The following MIS18A variants were observed in gnomAD, a reference collection of about 807,000 sequenced individuals.
MIS18A encodes protein Mis18-alpha.
In MIS18A, 14 loss-of-function variants were observed where a neutral mutation model predicts 25.0. That is an observed-to-expected ratio of 0.56 (90% CI 0.37 to 0.88). The LOEUF (loss-of-function observed/expected upper bound fraction) is 0.88. MIS18A is among the 40% of genes least tolerant of loss of function. MIS18A has a pLI of 0.00. For missense variants in MIS18A, 292 were observed against 290.8 expected, an observed-to-expected ratio of 1.00 and a Z score of -0.03; for synonymous variants, 134 against 118.6, an observed-to-expected ratio of 1.13 and a Z score of -0.84.
the MIS18A span, among the ~76,000 whole-genome samples, chr21:32,200,664 T>A: frequency 6.6e-6 from 1 of 152,104 alleles, no homozygotes; most frequent in Non-Finnish European, 1.5e-5. Flanking sequence ...GGTCTCGATC[T>A]CCTGACCTCG....
chr21:32,231,236 GAAAA>G, the MIS18A span, among the ~76,000 whole-genome samples: 1 of 85,260 alleles, frequency 1.2e-5, no homozygotes, highest in Non-Finnish European at 2.4e-5. Flanking sequence ...ACCCTGTCTC[GAAAA>G]AAAAAAAAAA....
the MIS18A span, among the ~76,000 whole-genome samples, chr21:32,156,961 T>C: frequency 6.6e-6 from 1 of 152,108 alleles, no homozygotes; most frequent in African/African-American, 2.4e-5. Context: ...TGGTATTTTA[T>C]AGGGAGATTT....
chr21:32,266,474 T>C (rs2031603274), downstream of MIS18A, among the ~76,000 whole-genome samples: 1 of 152,156 alleles, frequency 6.6e-6, no homozygotes, highest in Non-Finnish European at 1.5e-5. Context: ...TTGCTACTGC[T>C]CACTCTTTGG....
intron 2 of MIS18A, 139 bp downstream of exon 2, chr21:32,274,691 C>T (rs1002030915): frequency 6.2e-6 from 4 of 649,062 alleles, no homozygotes; most frequent in Admixed American, 3.0e-5. Flanking sequence ...AAAAAAAGAA[C>T]TGATATATGC....
At chr21:32,241,972 G>A in the MIS18A span, among the ~76,000 whole-genome samples, 40 of 152,308 alleles carry the variant, frequency 2.6e-4, 1 homozygote, top group Admixed American at 1.9e-3. Context: ...TCCGCCTCCC[G>A]GGTTCACGCC....
At chr21:32,168,114 T>C in the MIS18A span, among the ~76,000 whole-genome samples, 1 of 152,086 alleles carries the variant, frequency 6.6e-6, no homozygotes, top group African/African-American at 2.4e-5. Flanking sequence ...AGATGATCAA[T>C]CTCTCTCTAC....
At chr21:32,213,440 G>A in the MIS18A span, among the ~76,000 whole-genome samples, 1 of 152,192 alleles carries the variant, frequency 6.6e-6, no homozygotes, top group African/African-American at 2.4e-5. Flanking sequence ...CTACTCTTTG[G>A]ACAAAGTGTA....
chr21:32,176,625 G>C, the MIS18A span, among the ~76,000 whole-genome samples: 16 of 152,168 alleles, frequency 1.1e-4, no homozygotes, highest in African/African-American at 3.4e-4. Context: ...AATAAGAAAG[G>C]CTGAAAAATC....
the MIS18A span, among the ~76,000 whole-genome samples, chr21:32,196,987 C>G: frequency 1.3e-5 from 2 of 151,776 alleles, no homozygotes; most frequent in African/African-American, 4.8e-5. Context: ...TACATTTTTC[C>G]CAATGTACAA....
At chr21:32,276,365 G>A (rs2031808642) in intron 1 of MIS18A, among the ~76,000 whole-genome samples, 1 of 150,096 alleles carries the variant, frequency 6.7e-6, no homozygotes, top group Non-Finnish European at 1.5e-5. Flanking sequence ...GGAGGCTGAG[G>A]CAGGAGAATA....
chr21:32,240,088 A>T, the MIS18A span, among the ~76,000 whole-genome samples: 1 of 152,228 alleles, frequency 6.6e-6, no homozygotes, highest in Non-Finnish European at 1.5e-5. Context: ...TCTGTGGGGG[A>T]CACAATGATG....
At chr21:32,260,983 C>G in the MIS18A span, 1 of 152,258 alleles carries the variant, frequency 6.6e-6, no homozygotes, top group Non-Finnish European at 1.5e-5. Context: ...TGCACTCCAG[C>G]CTGGGCGACA....
chr21:32,216,301 G>C, the MIS18A span, among the ~76,000 whole-genome samples: 1,667 of 152,248 alleles, frequency 0.011, 24 homozygotes, highest in African/African-American at 0.037. Context: ...CAAAAACCTA[G>C]TCTGACAGCC....
chr21:32,277,607 C>T (rs1601082467), intron 1 of MIS18A, among the ~76,000 whole-genome samples: 2 of 152,284 alleles, frequency 1.3e-5, no homozygotes, highest in South Asian at 4.1e-4. Context: ...CGCACACCAC[C>T]ATGCCCGGCT....
chr21:32,249,081 T>C, the MIS18A span, among the ~76,000 whole-genome samples: 2 of 152,198 alleles, frequency 1.3e-5, no homozygotes, highest in African/African-American at 2.4e-5. Flanking sequence ...GTCATTAAAC[T>C]TCCCAGGCTG....
the MIS18A span, among the ~76,000 whole-genome samples, chr21:32,252,149 G>A: frequency 4.0e-5 from 6 of 150,834 alleles, no homozygotes; most frequent in Non-Finnish European, 7.4e-5. Flanking sequence ...TTACACCACT[G>A]CACTCCAGTC....
the MIS18A span, among the ~76,000 whole-genome samples, chr21:32,193,971 C>T: frequency 6.3e-3 from 960 of 152,184 alleles, 16 homozygotes; most frequent in African/African-American, 0.021. Context: ...CCACGAGAGG[C>T]CAGTGGTACC....
chr21:32,191,155 T>A, the MIS18A span, among the ~76,000 whole-genome samples: 10 of 152,208 alleles, frequency 6.6e-5, no homozygotes, highest in Admixed American at 5.2e-4. Context: ...AACAAATAAA[T>A]GTCCAGGGGA....
chr21:32,254,139 G>C, the MIS18A span, among the ~76,000 whole-genome samples: 1 of 152,174 alleles, frequency 6.6e-6, no homozygotes, highest in African/African-American at 2.4e-5. Context: ...GCTGAGGCAG[G>C]AGACTCACTT....
Sources: allele counts gnomAD v4.1 joint callset (sites outside exome capture counted in the v4.1 genomes callset), GRCh38; gene constraint gnomAD v4.1.1; transcripts MANE v1.5; gene names NCBI Gene and HGNC (gene_info 2026-07-23, HGNC 2026-07-21).